Variants in CD96 observed in about 807,000 individuals in gnomAD.
CD96 encodes the protein CD96 molecule, also known as T-cell surface protein tactile.
A neutral mutation model predicts 71.3 loss-of-function variants in CD96; 70 were observed. That is an observed-to-expected ratio of 0.98 (90% confidence interval 0.81 to 1.20). The LOEUF (loss-of-function observed/expected upper bound fraction) is 1.20, where lower values mean the gene tolerates loss of function less well. Ranked by LOEUF, CD96 falls within the 50% of genes most tolerant of loss-of-function variation. CD96 has a pLI of 0.00. For synonymous variants in CD96, 248 were observed against 233.0 expected (o/e 1.06, Z -0.59); for missense variants, 742 against 677.5 (o/e 1.10, Z -1.06).
At chr3:111,663,780 G>A (rs561198528) in intron 14 of CD96, among the ~76,000 whole-genome samples, 5 of 146,098 alleles carry the variant, frequency 3.4e-5, no homozygotes, top group South Asian at 2.1e-4. Context: ...ATGGAGTCTC[G>A]CTCTGTTGCC....
In CD96 at chr3:111,598,177, A is replaced by G; in HGVS notation, c.865A>G (p.Ile289Val). The G allele has an allele frequency of 6.8e-7, 1 of 1,476,126 alleles. No homozygotes were observed. Among genetic ancestry groups the G allele is most frequent in the Non-Finnish European group, 9.5e-7 (1 of 1,054,804 alleles). 91.4% of individuals were successfully genotyped at this position (1,476,126 alleles called of 1,614,324 possible). A position where few individuals can be genotyped will look rare whatever the true frequency, so the allele number is the denominator to read the frequency against. The change falls in exon 6 of 14, where the codon ATA becomes GTA. Residue 289 changes from isoleucine to valine, a missense_variant. Transcript: ENST00000352690. ...TCCCAAAGCAAATATCACATGGTTT[A>G]TAGATGGAAGTTTTCTTCATGATGA... Reference protein sequence around the residue: ...VFPKANITWFIDGSFLHDEKE... With the variant: ...VFPKANITWFVDGSFLHDEKE...
At position 111,579,338 on chromosome 3, in the gene CD96, G is replaced by A. The variant is rs752949676; in HGVS notation, c.751+104G>A. ...TTATGCTGCAGAGCAGCCACATGTG[G>A]GTAACAGTGCTGGAGTCTGTTTCCC... On this transcript the variant is annotated intron_variant, in intron 4 of 13. Coordinates refer to ENST00000352690, the MANE Select transcript of CD96 (RefSeq NM_005816.5). The A allele has an allele frequency of 9.0e-6, 7 of 778,968 alleles. 1 individual carries two copies. Among genetic ancestry groups the A allele is most frequent in the Middle Eastern group, 4.5e-4 (2 of 4,444 alleles). The allele number at this position is 778,968 out of a possible 1,614,324, so 48.3% of individuals were successfully genotyped here. A position where few individuals can be genotyped will look rare whatever the true frequency, so the allele number is the denominator to read the frequency against.
Position 111,579,143 on chromosome 3 carries a change from C to G in CD96, c.660C>G (p.Val220=), listed in dbSNP as rs779012803. The G allele has an allele frequency of 8.7e-6, 14 of 1,605,668 alleles. No individual in the cohort carries two copies. The highest frequency in any genetic ancestry group is 8.5e-7 in the Non-Finnish European group (1 of 1,172,178). ...ACTACAGACTCCACCTCTCTCCAGT[C>G]CAAATCTTCGATGATGGGCGGAAGT... ...GTDYRLHLSP[V]QIFDDGRKFS... Residue 220 remains valine, a synonymous_variant, in exon 4 of 14, where the codon GTC becomes GTG. Coordinates refer to ENST00000352690, the MANE Select transcript of CD96 (RefSeq NM_005816.5).
chr3:111,599,833 T>C (rs1937414877), intron 6 of CD96, among the ~76,000 whole-genome samples: 1 of 152,276 alleles, frequency 6.6e-6, no homozygotes, highest in Non-Finnish European at 1.5e-5. Context: ...AGAATTGCAC[T>C]GGCACACAAC....
intron 12 of CD96, among the ~76,000 whole-genome samples, chr3:111,642,422 A>G (rs1313757301): frequency 6.6e-6 from 1 of 152,242 alleles, no homozygotes; most frequent in Non-Finnish European, 1.5e-5. Context: ...CTGGAAAAAT[A>G]CAACCCACCC....
intron 12 of CD96, among the ~76,000 whole-genome samples, chr3:111,638,844 A>T (rs2107759653): frequency 6.6e-6 from 1 of 152,330 alleles, no homozygotes; most frequent in Admixed American, 6.5e-5. Flanking sequence ...AAACTGAGGC[A>T]CTACAAAGAT....
At chr3:111,616,472 A>T (rs950827550) in intron 8 of CD96, among the ~76,000 whole-genome samples, 8 of 151,734 alleles carry the variant, frequency 5.3e-5, no homozygotes, top group Non-Finnish European at 4.4e-5. Flanking sequence ...ACAGGAAGAG[A>T]AGCTATCAAA....
rs993199216 is a variant in CD96, at chr3:111,552,892, A to G, written c.418+7490A>G. Among the ~76,000 whole-genome samples, 8 of 152,322 alleles carry G rather than the reference A, an allele frequency of 5.3e-5. No individual in the cohort carries two copies. In the South Asian group the frequency reaches 6.2e-4, roughly 12 times the overall value. On this transcript the variant is annotated intron_variant, in intron 2 of 13. Transcript: ENST00000352690. Reference sequence around the variant, plus strand: ...ACTCTAAACAATATACAAAAAATACATAGAATAATTATGAAAATTATATAG... The same window carrying G: ...ACTCTAAACAATATACAAAAAATACGTAGAATAATTATGAAAATTATATAG...
At chr3:111,542,584 T>C (rs10934101) in intron 1 of CD96, among the ~76,000 whole-genome samples, 107,114 of 152,112 alleles carry the variant, frequency 0.7, 38,001 homozygotes, top group African/African-American at 0.78. Context: ...ACAGGATCTC[T>C]GGAGTAATTG....
chr3:111,603,460 T>A (rs1937544954), intron 7 of CD96, among the ~76,000 whole-genome samples: 1 of 150,148 alleles, frequency 6.7e-6, no homozygotes, highest in African/African-American at 2.5e-5. Context: ...AAAAAAAAAA[T>A]CCCGCCCTGC....
chr3:111,587,648 T>C (rs1422029191), intron 5 of CD96, among the ~76,000 whole-genome samples: 1 of 152,202 alleles, frequency 6.6e-6, no homozygotes, highest in Non-Finnish European at 1.5e-5. Flanking sequence ...GGGTTCTCCA[T>C]GAGGGCCCCG....
At chr3:111,606,295 T>G (rs1937622419) in intron 7 of CD96, among the ~76,000 whole-genome samples, 1 of 152,230 alleles carries the variant, frequency 6.6e-6, no homozygotes, top group Non-Finnish European at 1.5e-5. Context: ...AGTTTATGGA[T>G]TTTGTAAACT....
At chr3:111,593,268 G>A (rs976861476) in intron 5 of CD96, 1 of 327,556 alleles carries the variant, frequency 3.1e-6, no homozygotes, top group African/African-American at 2.1e-5. Context: ...GGTACATTCT[G>A]CCCTGAAACA....
At chr3:111,623,844 T>C in intron 9 of CD96, 22 bp downstream of exon 9, 1 of 1,526,764 alleles carries the variant, frequency 6.5e-7, no homozygotes, top group Non-Finnish European at 9.1e-7. Context: ...AAAGTTTTCC[T>C]ACATGATTGG....
intron 10 of CD96, among the ~76,000 whole-genome samples, chr3:111,629,985 C>T (rs543448241): frequency 2.3e-4 from 35 of 152,200 alleles, no homozygotes; most frequent in African/African-American, 7.7e-4. Context: ...ATACAATGTA[C>T]CAGAATCTCT....
At chr3:111,562,039 G>A (rs1283979150) in intron 2 of CD96, among the ~76,000 whole-genome samples, 1 of 152,166 alleles carries the variant, frequency 6.6e-6, no homozygotes, top group East Asian at 1.9e-4. Context: ...CACTTCCCAG[G>A]TGAGGCAATG....
rs758051111 is a variant in CD96, at chr3:111,545,210, G to C, written c.226G>C (p.Gly76Arg). The C allele has an allele frequency of 1.2e-5, 20 of 1,614,004 alleles. No homozygotes were observed. The highest frequency in any genetic ancestry group is 2.2e-5 in the East Asian group (1 of 44,884). The change falls in exon 2 of 14, where the codon GGC (glycine) becomes CGC (arginine). Residue 76 changes from glycine to arginine, a missense_variant. By Grantham distance (125) the Gly-to-Arg change is moderately radical. Coordinates refer to ENST00000352690, the MANE Select transcript of CD96 (RefSeq NM_005816.5). ...DLIAVYHPQY[G>R]FYCAYGRPCE... is the part of the protein sequence containing the mutation. ...GATTGCTGTCTATCATCCCCAATAC[G>C]GCTTCTACTGTGCCTATGGGAGACC... is the stretch of plus-strand genomic sequence containing the variant.
intron 8 of CD96, among the ~76,000 whole-genome samples, chr3:111,612,650 T>C (rs912657787): frequency 1.6e-4 from 24 of 152,230 alleles, no homozygotes; most frequent in African/African-American, 5.5e-4. Context: ...TGAGCCAGTA[T>C]TGAGCCCAGA....
chr3:111,622,156 G>A lies in CD96; in HGVS notation c.1181-1598G>A, dbSNP rs16858355. Among the ~76,000 whole-genome samples the A allele has an allele frequency of 7.5e-3, 1,146 of 152,252 alleles. 17 individuals are homozygous for A. The highest frequency in any genetic ancestry group is 0.026 in the African/African-American group (1,087 of 41,532). Reference sequence around the variant, plus strand: ...TTCTGACTATTAGCCCTTTTCTAGTGCAACACTTTGGAATGTAGTTCTTGA... The same window carrying A: ...TTCTGACTATTAGCCCTTTTCTAGTACAACACTTTGGAATGTAGTTCTTGA... On this transcript the variant is annotated intron_variant, in intron 8 of 13. Transcript: ENST00000352690.
Sources: allele counts gnomAD v4.1 joint callset (sites outside exome capture counted in the v4.1 genomes callset), GRCh38; gene constraint gnomAD v4.1.1; transcripts MANE v1.5; gene names NCBI Gene and HGNC (gene_info 2026-07-23, HGNC 2026-07-21).